ACOT1: variants seen among roughly 807,000 people sequenced by gnomAD.
ACOT1 encodes acyl-coenzyme A thioesterase 1.
In ACOT1, 8 loss-of-function variants were observed where a neutral mutation model predicts 15.7. The ratio of observed to expected loss-of-function variants is 0.51; its 90% CI spans 0.30 to 0.92. The LOEUF (loss-of-function observed/expected upper bound fraction) is 0.92, where lower values mean the gene tolerates loss of function less well. ACOT1 is among the 40% of genes least tolerant of loss of function. The probability of loss-of-function intolerance (pLI) is 0.06; values close to 1 mark genes in which losing one functional copy is unlikely to be tolerated. For missense variants in ACOT1, 151 were observed against 539.4 expected (o/e 0.28, Z 7.13); for synonymous variants, 67 against 241.2 (o/e 0.28, Z 6.69).
the ACOT1 span, among the ~76,000 whole-genome samples, chr14:73,512,737 C>T: frequency 5.9e-5 from 9 of 152,206 alleles, no homozygotes; most frequent in Admixed American, 5.2e-4. Context: ...ACATCTTCCT[C>T]ATTTTAGTTG....
Position 73,540,742 on chromosome 14 carries a change from C to CTT in ACOT1, c.458-733_458-732dup, listed in dbSNP as rs200357086. On this transcript the variant is annotated intron_variant, in intron 1 of 2. Coordinates refer to ENST00000311148, the MANE Select transcript of ACOT1 (RefSeq NM_001037161.2). The stretch of plus-strand genomic sequence containing the variant: ...GTGTTGCCTGTAAGGTGTTTGCATT[C>CTT]TTTTTTTTTTTTTTTTTTTGAGACA... Among the ~76,000 whole-genome samples, 450 of 81,124 alleles carry CTT rather than the reference C, an allele frequency of 5.5e-3. 10 individuals are homozygous for CTT. The highest frequency in any genetic ancestry group is 0.017 in the African/African-American group (420 of 25,442). 53.2% of individuals were successfully genotyped at this position (81,124 alleles called of 152,430 possible). A position where few individuals can be genotyped will look rare whatever the true frequency, so the allele number is the denominator to read the frequency against.
chr14:73,520,772 T>C, the ACOT1 span: 4 of 1,342,054 alleles, frequency 3.0e-6, no homozygotes, highest in Admixed American at 2.0e-5. Context: ...TACCCACAAC[T>C]GTTTCCAGCC....
chr14:73,514,443 A>C, the ACOT1 span, among the ~76,000 whole-genome samples: 2 of 152,128 alleles, frequency 1.3e-5, no homozygotes, highest in African/African-American at 4.8e-5. Flanking sequence ...GTAAGCCATG[A>C]TGATGATGGG....
the ACOT1 span, chr14:73,493,255 G>A: frequency 1.4e-6 from 1 of 708,176 alleles, no homozygotes; most frequent in South Asian, 1.9e-5. Flanking sequence ...CGTTCTGCTT[G>A]AGACAGATAT....
chr14:73,520,706 G>C, the ACOT1 span: 1 of 702,116 alleles, frequency 1.4e-6, no homozygotes, highest in Non-Finnish European at 2.5e-6. Flanking sequence ...TCCTGTGCTA[G>C]TGTGGGTGCT....
the ACOT1 span, among the ~76,000 whole-genome samples, chr14:73,526,862 C>T: frequency 1.3e-5 from 2 of 152,258 alleles, no homozygotes; most frequent in South Asian, 4.1e-4. Flanking sequence ...CAGGTGTGAC[C>T]CAGTGCACTG....
the ACOT1 span, among the ~76,000 whole-genome samples, chr14:73,515,007 G>A: frequency 6.6e-6 from 1 of 151,500 alleles, no homozygotes; most frequent in Non-Finnish European, 1.5e-5. Context: ...GGCGGAGGTT[G>A]CAGTGAGCTG....
the ACOT1 span, among the ~76,000 whole-genome samples, chr14:73,504,408 A>G: frequency 6.6e-6 from 1 of 151,742 alleles, no homozygotes; most frequent in South Asian, 2.1e-4. Context: ...ACACCCGCCT[A>G]ATTTTTTTTA....
chr14:73,491,117 T>G, the ACOT1 span: 1 of 1,606,860 alleles, frequency 6.2e-7, no homozygotes, highest in Non-Finnish European at 8.5e-7. Context: ...GGCCCTGCCC[T>G]TGAGGTCCAG....
chr14:73,508,385 C>A, the ACOT1 span: 3 of 1,018,168 alleles, frequency 2.9e-6, no homozygotes, highest in Non-Finnish European at 4.5e-6. Flanking sequence ...GCTGCTACCC[C>A]ACCTGATATC....
At chr14:73,514,293 G>C in the ACOT1 span, 1 of 1,500,680 alleles carries the variant, frequency 6.7e-7, no homozygotes, top group Admixed American at 1.9e-5. Flanking sequence ...CTGCCACACA[G>C]TGGCCCCAGC....
At chr14:73,503,467 T>C in the ACOT1 span, among the ~76,000 whole-genome samples, 2 of 152,322 alleles carry the variant, frequency 1.3e-5, no homozygotes, top group African/African-American at 4.8e-5. Flanking sequence ...AGTGCACTTC[T>C]CTCAGAGAGG....
At chr14:73,517,169 C>T in the ACOT1 span, 4 of 152,082 alleles carry the variant, frequency 2.6e-5, no homozygotes, top group African/African-American at 7.2e-5. Context: ...CCCTGATCCT[C>T]CTGCATCAGC....
the ACOT1 span, among the ~76,000 whole-genome samples, chr14:73,514,527 C>T: frequency 3.9e-5 from 6 of 152,096 alleles, no homozygotes; most frequent in Non-Finnish European, 8.8e-5. Context: ...CTTTAGGAAC[C>T]TAAATCTTTA....
the ACOT1 span, chr14:73,498,313 CTCGGGACTTACTTGCCCAA>C: frequency 6.2e-7 from 1 of 1,609,804 alleles, no homozygotes; most frequent in East Asian, 2.2e-5. Flanking sequence ...GATCCGTCAG[CTCGGGACTTACTTGCCCAA>C]TCTGTCCCAA....
chr14:73,491,387 C>T, the ACOT1 span: 1 of 1,352,106 alleles, frequency 7.4e-7, no homozygotes. Context: ...GCGCCTGGTG[C>T]CCGCTTCCGC....
the ACOT1 span, among the ~76,000 whole-genome samples, chr14:73,524,310 A>AAAAAAAATATATATATATATATATAT: frequency 1.8e-5 from 1 of 54,780 alleles, no homozygotes; most frequent in African/African-American, 8.8e-5. Context: ...AAAAAAAAAA[A>AAAAAAAATATATATATATATATATAT]ATATATATAT....
chr14:73,493,419 A>C, the ACOT1 span: 1 of 321,684 alleles, frequency 3.1e-6, no homozygotes, highest in Non-Finnish European at 6.0e-6. Context: ...CTAGATTATT[A>C]TGTGGGATGG....
At chr14:73,509,597 TA>T in the ACOT1 span, 3 of 906,224 alleles carry the variant, frequency 3.3e-6, no homozygotes, top group Non-Finnish European at 3.4e-6. Flanking sequence ...TGCTATGTAA[TA>T]TAATTACAGT....
Sources: gnomAD v4.1 joint callset for allele counts (sites outside exome capture counted in the v4.1 genomes callset) on GRCh38, gnomAD v4.1.1 for gene constraint, MANE v1.5 for transcripts, NCBI Gene and HGNC (gene_info 2026-07-23, HGNC 2026-07-21) for gene names.